Variants in GPHN observed in about 807,000 individuals in gnomAD.
GPHN encodes gephyrin.
A neutral mutation model predicts 95.5 loss-of-function variants in GPHN; 17 were observed. The observed-to-expected ratio is 0.18, with a 90% CI of 0.12 to 0.27. GPHN has a LOEUF of 0.27. Ranked by LOEUF, GPHN falls within the 10% of genes least tolerant of loss-of-function variation. GPHN has a pLI of 1.00. For synonymous variants in GPHN, 320 were observed against 322.5 expected, an observed-to-expected ratio of 0.99 and a Z score of 0.08; for missense variants, 660 against 978.1, an observed-to-expected ratio of 0.67 and a Z score of 4.34.
chr14:67,426,422 G>GT, the GPHN span, among the ~76,000 whole-genome samples: 2 of 152,196 alleles, frequency 1.3e-5, no homozygotes, highest in Admixed American at 6.5e-5. Flanking sequence ...CCCTGTGGGA[G>GT]TTTCACTATC....
chr14:67,362,973 C>G, the GPHN span, among the ~76,000 whole-genome samples: 1 of 152,138 alleles, frequency 6.6e-6, no homozygotes, highest in Non-Finnish European at 1.5e-5. Flanking sequence ...CTTCAGGATT[C>G]TCTTACATGA....
the GPHN span, among the ~76,000 whole-genome samples, chr14:67,654,349 C>G: frequency 6.6e-6 from 1 of 151,856 alleles, no homozygotes; most frequent in Non-Finnish European, 1.5e-5. Context: ...CGCTATGTTG[C>G]CCAGGCTGGT....
intron 18 of GPHN, among the ~76,000 whole-genome samples, chr14:67,144,272 T>TACATACATAC (rs1567400961): frequency 2.5e-5 from 3 of 120,468 alleles, no homozygotes; most frequent in African/African-American, 1.1e-4. Context: ...TATATATATA[T>TACATACATAC]ATATATATAT....
chr14:66,890,159 C>T (rs542602862), intron 5 of GPHN, among the ~76,000 whole-genome samples: 2 of 152,298 alleles, frequency 1.3e-5, no homozygotes, highest in East Asian at 3.9e-4. Flanking sequence ...CACCTGTAAT[C>T]CCAACACTTT....
intron 10 of GPHN, among the ~76,000 whole-genome samples, chr14:67,032,799 C>G (rs2153631503): frequency 6.6e-6 from 1 of 152,256 alleles, no homozygotes; most frequent in African/African-American, 2.4e-5. Flanking sequence ...TAAGGCCAGT[C>G]TGTAAAGATT....
chr14:67,409,944 A>T, the GPHN span, among the ~76,000 whole-genome samples: 1 of 152,118 alleles, frequency 6.6e-6, no homozygotes, highest in Non-Finnish European at 1.5e-5. Context: ...CTGGGGCCCT[A>T]TCCTTCAGCC....
At chr14:66,828,214 A>G (rs1455991680) in intron 4 of GPHN, among the ~76,000 whole-genome samples, 2 of 151,916 alleles carry the variant, frequency 1.3e-5, no homozygotes, top group Non-Finnish European at 2.9e-5. Context: ...ATTAAATAAT[A>G]CTAATAAAAT....
At chr14:67,676,609 A>G in the GPHN span, among the ~76,000 whole-genome samples, 1 of 152,194 alleles carries the variant, frequency 6.6e-6, no homozygotes, top group African/African-American at 2.4e-5. Context: ...TGATCAAGAA[A>G]TGTGGAAAAA....
At chr14:67,657,905 C>A in the GPHN span, among the ~76,000 whole-genome samples, 1 of 151,996 alleles carries the variant, frequency 6.6e-6, no homozygotes, top group African/African-American at 2.4e-5. Flanking sequence ...CCCGCCACCA[C>A]GCCCAGCTAA....
the GPHN span, among the ~76,000 whole-genome samples, chr14:67,581,376 T>C: frequency 1.3e-5 from 2 of 151,018 alleles, no homozygotes; most frequent in Non-Finnish European, 2.9e-5. Context: ...AATGCAAAAA[T>C]TAGCTGGGCA....
At chr14:67,337,530 A>C in the GPHN span, 2 of 151,646 alleles carry the variant, frequency 1.3e-5, no homozygotes, top group East Asian at 3.8e-4. Flanking sequence ...AAAAAAAAAA[A>C]GAAAGAAAAA....
chr14:67,179,507 C>G, intron 21 of GPHN, 71 bp from the exon 22 acceptor site: 2 of 858,476 alleles, frequency 2.3e-6, no homozygotes, highest in Non-Finnish European at 2.0e-6. Flanking sequence ...TTTGCACAAC[C>G]CCTACTATCT....
intron 9 of GPHN, among the ~76,000 whole-genome samples, chr14:66,987,706 T>G (rs769077260): frequency 6.6e-6 from 1 of 152,078 alleles, no homozygotes; most frequent in Non-Finnish European, 1.5e-5. Context: ...TTTTCTCTAA[T>G]GCTTTGGGGA....
intron 2 of GPHN, among the ~76,000 whole-genome samples, chr14:66,687,064 C>T (rs900456149): frequency 1.3e-5 from 2 of 151,984 alleles, no homozygotes; most frequent in Non-Finnish European, 2.9e-5. Context: ...TATTGATTTG[C>T]GTATGTTGAA....
At chr14:67,714,846 T>C in the GPHN span, 1 of 152,186 alleles carries the variant, frequency 6.6e-6, no homozygotes, top group African/African-American at 2.4e-5. Context: ...GGTGAGGTGC[T>C]CAAGATTGCA....
intron 8 of GPHN, among the ~76,000 whole-genome samples, chr14:66,956,776 A>G (rs1347757172): frequency 6.6e-6 from 1 of 152,064 alleles, no homozygotes; most frequent in East Asian, 1.9e-4. Context: ...ATGGAATACT[A>G]TGCAGCCATA....
chr14:67,644,522 A>C, the GPHN span, among the ~76,000 whole-genome samples: 1 of 152,218 alleles, frequency 6.6e-6, no homozygotes, highest in African/African-American at 2.4e-5. Context: ...TTGACCAAGA[A>C]GGATGGTTGC....
chr14:67,649,405 G>C, the GPHN span: 3 of 152,124 alleles, frequency 2.0e-5, no homozygotes, highest in African/African-American at 7.2e-5. Flanking sequence ...GGTTGAGGCT[G>C]CAGTGAGCCA....
At chr14:67,627,176 A>G in the GPHN span, among the ~76,000 whole-genome samples, 9 of 151,860 alleles carry the variant, frequency 5.9e-5, no homozygotes, top group South Asian at 1.0e-3. Flanking sequence ...ACTGAATTAT[A>G]AATTCTAAAA....
Sources: allele counts gnomAD v4.1 joint callset (sites outside exome capture counted in the v4.1 genomes callset), GRCh38; gene constraint gnomAD v4.1.1; transcripts MANE v1.5; gene names NCBI Gene and HGNC (gene_info 2026-07-23, HGNC 2026-07-21).